FFAR4: variants seen among roughly 807,000 people sequenced by gnomAD.
The protein encoded by FFAR4 is G-protein coupled receptor 120.
A neutral mutation model predicts 27.0 loss-of-function variants in FFAR4; 19 were observed. The observed-to-expected ratio is 0.70, with a 90% CI of 0.49 to 1.03. FFAR4 has a LOEUF of 1.03. FFAR4 is among the 50% of genes least tolerant of loss of function. FFAR4 has a pLI of 0.00. For missense variants in FFAR4, 476 were observed against 479.0 expected (o/e 0.99, Z 0.06); for synonymous variants, 254 against 215.6 (o/e 1.18, Z -1.56).
chr10:93,572,140 T>C (rs1006533898), intron 1 of FFAR4, among the ~76,000 whole-genome samples: 5 of 151,966 alleles, frequency 3.3e-5, no homozygotes, highest in Admixed American at 1.3e-4. Context: ...GCAGGCTTGG[T>C]CCCCACCCTT....
Position 93,587,363 on chromosome 10 carries a change from C to T in FFAR4, c.840C>T (p.Ile280=), listed in dbSNP as rs2058234716. ...MVSFFIMWSP[I]IITILLILIQ... Reference sequence around the variant, plus strand: ...CCTTCTTCATCATGTGGAGCCCCATCATCATCACCATCCTCCTCATCCTGA... The same window carrying T: ...CCTTCTTCATCATGTGGAGCCCCATTATCATCACCATCCTCCTCATCCTGA... Residue 280 remains isoleucine, a synonymous_variant, in exon 3 of 3, where the codon ATC becomes ATT. Coordinates refer to ENST00000371481, the MANE Select transcript of FFAR4 (RefSeq NM_001195755.2). 6.2e-7 allele frequency: 1 copy of T among 1,614,104 alleles called. No homozygotes were observed. Among genetic ancestry groups the T allele is most frequent in the Non-Finnish European group, 8.5e-7 (1 of 1,180,010 alleles).
At chr10:93,571,133 C>T (rs12415204) in intron 1 of FFAR4, among the ~76,000 whole-genome samples, 3 of 152,024 alleles carry the variant, frequency 2.0e-5, no homozygotes, top group African/African-American at 4.8e-5. Context: ...TTTAAGAGGG[C>T]GAACACATCC....
intron 2 of FFAR4, among the ~76,000 whole-genome samples, chr10:93,586,527 G>A (rs751965432): frequency 1.3e-5 from 2 of 152,222 alleles, no homozygotes; most frequent in East Asian, 1.9e-4. Flanking sequence ...CCCAAACAAG[G>A]CCAAAGAAAT....
In FFAR4 at chr10:93,587,759, G is replaced by A; in HGVS notation, c.*150G>A. ...CCACAGCGTCGGTAAATTAAGGGGTGATCACCAAGTTTCATAATATTTTCC... is the reference window on the plus strand; with the variant it reads ...CCACAGCGTCGGTAAATTAAGGGGTAATCACCAAGTTTCATAATATTTTCC... On this transcript the variant is annotated 3_prime_UTR_variant, in exon 3 of 3. Transcript: ENST00000371481. 1 of 736,118 alleles carries A rather than the reference G, an allele frequency of 1.4e-6. No homozygotes were observed. The highest frequency in any genetic ancestry group is 1.9e-5 in the South Asian group (1 of 52,814). 45.6% of individuals were successfully genotyped at this position (736,118 alleles called of 1,614,324 possible).
intron 1 of FFAR4, among the ~76,000 whole-genome samples, chr10:93,568,768 AC>A (rs1246880463): frequency 2.0e-5 from 3 of 152,126 alleles, no homozygotes; most frequent in Admixed American, 1.3e-4. Context: ...CATAAATCAA[AC>A]TTAAACACTT....
At chr10:93,586,051 C>T (rs1202140565) in intron 2 of FFAR4, among the ~76,000 whole-genome samples, 1 of 152,204 alleles carries the variant, frequency 6.6e-6, no homozygotes, top group Non-Finnish European at 1.5e-5. Flanking sequence ...TGCCATCTCC[C>T]ACTCAACAAC....
chr10:93,568,695 T>C (rs2058114377), intron 1 of FFAR4, among the ~76,000 whole-genome samples: 1 of 152,012 alleles, frequency 6.6e-6, no homozygotes, highest in Non-Finnish European at 1.5e-5. Flanking sequence ...CACAGCCCTT[T>C]TATTGGGGGT....
chr10:93,569,791 G>A (rs940301596), intron 1 of FFAR4, among the ~76,000 whole-genome samples: 1 of 151,802 alleles, frequency 6.6e-6, no homozygotes, highest in Non-Finnish European at 1.5e-5. Context: ...GGGCATGCTG[G>A]CTCACACCTG....
At chr10:93,587,086 G>C (rs1052941029) in intron 2 of FFAR4, 134 bp from the exon 3 acceptor site, 1 of 720,420 alleles carries the variant, frequency 1.4e-6, no homozygotes, top group African/African-American at 1.8e-5. Flanking sequence ...TCCTAAGCTC[G>C]GGCACACAAA....
chr10:93,581,245 A>G (rs1343162445), intron 2 of FFAR4, among the ~76,000 whole-genome samples: 1 of 152,250 alleles, frequency 6.6e-6, no homozygotes, highest in African/African-American at 2.4e-5. Flanking sequence ...AAACTGAGAA[A>G]CAAAATCTGT....
intron 1 of FFAR4, among the ~76,000 whole-genome samples, chr10:93,573,147 C>T (rs1173349803): frequency 1.3e-5 from 2 of 152,200 alleles, no homozygotes; most frequent in African/African-American, 2.4e-5. Flanking sequence ...AGTGTCCTAG[C>T]GCTTCTCTGC....
At chr10:93,574,233 C>T (rs1346566175) in intron 1 of FFAR4, among the ~76,000 whole-genome samples, 1 of 152,160 alleles carries the variant, frequency 6.6e-6, no homozygotes, top group East Asian at 1.9e-4. Flanking sequence ...GAACACCTTG[C>T]TCTATCATTA....
chr10:93,582,544 CAAAAAAAAAAA>C (rs56934747), intron 2 of FFAR4, among the ~76,000 whole-genome samples: 1 of 99,252 alleles, frequency 1.0e-5, no homozygotes, highest in Non-Finnish European at 2.1e-5. Flanking sequence ...AACTCCATCT[CAAAAAAAAAAA>C]AAAAAAAAAA....
chr10:93,583,899 A>T (rs978365290), intron 2 of FFAR4, among the ~76,000 whole-genome samples: 8 of 152,234 alleles, frequency 5.3e-5, no homozygotes, highest in African/African-American at 1.9e-4. Flanking sequence ...TATTTTTGCG[A>T]CACTACACCA....
At chr10:93,578,430 A>C (rs1325565641) in intron 2 of FFAR4, among the ~76,000 whole-genome samples, 7 of 151,700 alleles carry the variant, frequency 4.6e-5, no homozygotes, top group South Asian at 2.1e-4. Flanking sequence ...AAAAAAAAAA[A>C]AAAAAAAAAA....
At chr10:93,581,093 G>A (rs1207398165) in intron 2 of FFAR4, among the ~76,000 whole-genome samples, 2 of 152,236 alleles carry the variant, frequency 1.3e-5, no homozygotes, top group South Asian at 2.1e-4. Context: ...GAATGGAAGA[G>A]CAGCGTGGGT....
intron 2 of FFAR4, among the ~76,000 whole-genome samples, chr10:93,578,588 T>C (rs1012170182): frequency 6.6e-6 from 1 of 152,192 alleles, no homozygotes; most frequent in Non-Finnish European, 1.5e-5. Flanking sequence ...TTTCCTCATC[T>C]GCAAAATAGC....
chr10:93,568,743 A>AT (rs111292586), intron 1 of FFAR4, among the ~76,000 whole-genome samples: 40 of 149,122 alleles, frequency 2.7e-4, no homozygotes, highest in Middle Eastern at 6.9e-3. Context: ...CCTGTGCGAG[A>AT]TTTTTTTTTT....
intron 2 of FFAR4, among the ~76,000 whole-genome samples, chr10:93,582,502 C>G (rs919881548): frequency 6.9e-6 from 1 of 144,742 alleles, no homozygotes; most frequent in African/African-American, 2.6e-5. Flanking sequence ...CGAGATCACA[C>G]TATTGCACTC....
Sources: gnomAD v4.1 joint callset for allele counts (sites outside exome capture counted in the v4.1 genomes callset) on GRCh38, gnomAD v4.1.1 for gene constraint, MANE v1.5 for transcripts, NCBI Gene and HGNC (gene_info 2026-07-23, HGNC 2026-07-21) for gene names.